MCTP2: variants seen among roughly 807,000 people sequenced by gnomAD.
MCTP2 encodes the protein multiple C2 and transmembrane domain-containing protein 2.
MCTP2 carries 132 observed loss-of-function variants against 111.6 expected under a neutral mutation model. The observed-to-expected ratio is 1.18, with a 90% confidence interval of 1.03 to 1.37. The LOEUF is 1.37. Among genes scored for constraint, MCTP2 ranks in the 40% most tolerant of loss-of-function variants. MCTP2 has a pLI of 0.00. For missense variants in MCTP2, 1,183 were observed against 1,067.9 expected (o/e 1.11, Z -1.50); for synonymous variants, 395 against 387.7 (o/e 1.02, Z -0.22).
chr15:94,374,934 C>T (rs187841522), intron 12 of MCTP2, among the ~76,000 whole-genome samples: 90 of 152,312 alleles, frequency 5.9e-4, no homozygotes, highest in Non-Finnish European at 1.5e-4. Context: ...CTTCAATATC[C>T]TCTCTTTTTA....
At chr15:94,293,750 A>G (rs1256383822) in intron 1 of MCTP2, among the ~76,000 whole-genome samples, 1 of 152,242 alleles carries the variant, frequency 6.6e-6, no homozygotes, top group African/African-American at 2.4e-5. Flanking sequence ...TGGAATTCTC[A>G]TAATTGTTGG....
At chr15:94,349,920 A>C (rs12591731) in intron 8 of MCTP2, among the ~76,000 whole-genome samples, 1 of 151,924 alleles carries the variant, frequency 6.6e-6, no homozygotes, top group Non-Finnish European at 1.5e-5. Context: ...ATATGGTAAG[A>C]TCTCCAAACT....
rs1479190524 is a variant in MCTP2, at chr15:94,244,360, ATG to A, written c.-66+12698_-66+12699del. Among the ~76,000 whole-genome samples the A allele has an allele frequency of 1.2e-3, 186 of 149,126 alleles. 1 individual carries two copies. The highest frequency in any genetic ancestry group is 4.4e-3 in the African/African-American group (177 of 40,682). ...TACACGTATACGTATACACATACAT[ATG>A]TATATATACGTATATGTATACACAT... On this transcript the variant is annotated intron_variant, in intron 1 of 22. Transcript: ENST00000357742.
intron 1 of MCTP2, among the ~76,000 whole-genome samples, chr15:94,246,288 C>G (rs531652088): frequency 6.6e-6 from 1 of 152,282 alleles, no homozygotes; most frequent in African/African-American, 2.4e-5. Context: ...CTCAGCTCTA[C>G]TATGTAGTAA....
At chr15:94,372,609 C>T (rs922816128) in intron 12 of MCTP2, among the ~76,000 whole-genome samples, 3 of 152,178 alleles carry the variant, frequency 2.0e-5, no homozygotes, top group Non-Finnish European at 4.4e-5. Flanking sequence ...CAGACCTCAA[C>T]AGTGTCATTG....
chr15:94,327,133 T>G (rs2152384757), intron 4 of MCTP2, among the ~76,000 whole-genome samples: 1 of 152,352 alleles, frequency 6.6e-6, no homozygotes, highest in East Asian at 1.9e-4. Context: ...GATTCTTTTC[T>G]GGAAAGTGTC....
At chr15:94,396,299 A>G (rs2081278117) in intron 14 of MCTP2, among the ~76,000 whole-genome samples, 1 of 152,158 alleles carries the variant, frequency 6.6e-6, no homozygotes, top group African/African-American at 2.4e-5. Context: ...AAATTAATGA[A>G]AAGTATATAT....
At chr15:94,232,962 A>T (rs867058392) in intron 1 of MCTP2, among the ~76,000 whole-genome samples, 1 of 152,310 alleles carries the variant, frequency 6.6e-6, no homozygotes. Context: ...GCAGATAAGG[A>T]ACTGAGGCAG....
chr15:94,429,182 A>T (rs2083039419), intron 17 of MCTP2, among the ~76,000 whole-genome samples: 2 of 149,300 alleles, frequency 1.3e-5, no homozygotes, highest in Admixed American at 1.4e-4. Context: ...GTAGCTATGG[A>T]TGACCTGAAT....
intron 1 of MCTP2, among the ~76,000 whole-genome samples, chr15:94,292,412 G>A (rs543479165): frequency 1.5e-4 from 23 of 152,182 alleles, no homozygotes; most frequent in African/African-American, 5.1e-4. Flanking sequence ...AAAGCAATAC[G>A]TAAATGTAGG....
intron 19 of MCTP2, among the ~76,000 whole-genome samples, chr15:94,451,911 A>G (rs1160002838): frequency 6.6e-6 from 1 of 152,214 alleles, no homozygotes; most frequent in Non-Finnish European, 1.5e-5. Context: ...AAGGGAAGGA[A>G]CTGGTGTTTA....
chr15:94,326,826 C>G (rs1411211706), intron 4 of MCTP2, among the ~76,000 whole-genome samples: 2 of 107,772 alleles, frequency 1.9e-5, no homozygotes, highest in East Asian at 3.1e-4. Flanking sequence ...CCACCCCCCC[C>G]CAACCTCGGC....
chr15:94,249,382 C>T (rs966950457), intron 1 of MCTP2, among the ~76,000 whole-genome samples: 64 of 152,198 alleles, frequency 4.2e-4, no homozygotes, highest in Non-Finnish European at 2.1e-4. Flanking sequence ...GATATTTGTG[C>T]TGAGATGGAG....
At chr15:94,244,785 C>T (rs992425667) in intron 1 of MCTP2, among the ~76,000 whole-genome samples, 5 of 146,558 alleles carry the variant, frequency 3.4e-5, no homozygotes, top group Admixed American at 2.0e-4. Context: ...TATACACATA[C>T]ATATGCACGT....
intron 1 of MCTP2, among the ~76,000 whole-genome samples, chr15:94,250,720 G>T (rs2072355943): frequency 6.6e-6 from 1 of 152,122 alleles, no homozygotes; most frequent in Admixed American, 6.5e-5. Flanking sequence ...AGAGAAATGT[G>T]GCCTGAAAGA....
At chr15:94,362,096 C>T (rs1009224793) in intron 10 of MCTP2, among the ~76,000 whole-genome samples, 3 of 152,118 alleles carry the variant, frequency 2.0e-5, no homozygotes, top group African/African-American at 7.2e-5. Context: ...TAAGATCAAC[C>T]ATCGCCTGAA....
At chr15:94,236,061 C>T (rs2070517806) in intron 1 of MCTP2, among the ~76,000 whole-genome samples, 1 of 152,160 alleles carries the variant, frequency 6.6e-6, no homozygotes, top group African/African-American at 2.4e-5. Flanking sequence ...TAAATGATTA[C>T]ATCACATGCA....
chr15:94,343,755 C>T (rs2077795730), intron 7 of MCTP2: 1 of 152,056 alleles, frequency 6.6e-6, no homozygotes, highest in Non-Finnish European at 1.5e-5. Context: ...CTATAATTTC[C>T]TCATATGTGA....
At chr15:94,355,453 G>C (rs1040672339) in intron 8 of MCTP2, among the ~76,000 whole-genome samples, 3 of 152,160 alleles carry the variant, frequency 2.0e-5, no homozygotes, top group Non-Finnish European at 2.9e-5. Context: ...TTTCCTCCAA[G>C]GTATGTATGA....
Sources: gnomAD v4.1 joint callset for allele counts (sites outside exome capture counted in the v4.1 genomes callset) on GRCh38, gnomAD v4.1.1 for gene constraint, MANE v1.5 for transcripts, NCBI Gene and HGNC (gene_info 2026-07-23, HGNC 2026-07-21) for gene names.